FMN2: variants seen among roughly 807,000 people sequenced by gnomAD.
FMN2 encodes the protein formin-2.
Under a neutral mutation model 142.3 loss-of-function variants are expected in FMN2, and 51 were observed. The observed-to-expected ratio is 0.36, with a 90% confidence interval of 0.29 to 0.45. FMN2 has a LOEUF of 0.45. Among genes scored for constraint, FMN2 ranks in the 20% least tolerant of loss-of-function variants. The pLI is 1.00. For synonymous variants in FMN2, 882 were observed against 869.8 expected, an observed-to-expected ratio of 1.01 and a Z score of -0.25; for missense variants, 1,936 against 2,122.8, an observed-to-expected ratio of 0.91 and a Z score of 1.73.
chr1:240,154,579 A>T (rs1293914941), intron 2 of FMN2: 1 of 152,170 alleles, frequency 6.6e-6, no homozygotes, highest in African/African-American at 2.4e-5. Context: ...GGGCATCTTC[A>T]TAGGCACATC....
intron 2 of FMN2, among the ~76,000 whole-genome samples, chr1:240,165,399 C>G (rs1228582207): frequency 2.6e-5 from 4 of 152,118 alleles, no homozygotes; most frequent in Non-Finnish European, 5.9e-5. Flanking sequence ...TGGTCTCAAA[C>G]TGCTGGACTC....
At chr1:240,325,531 T>A (rs1185635035) in intron 8 of FMN2, among the ~76,000 whole-genome samples, 2 of 150,280 alleles carry the variant, frequency 1.3e-5, no homozygotes, top group Non-Finnish European at 3.0e-5. Flanking sequence ...AGATTCTATA[T>A]TTGCTAACTT....
At chr1:240,256,400 C>T (rs538596447) in intron 6 of FMN2, among the ~76,000 whole-genome samples, 11 of 151,964 alleles carry the variant, frequency 7.2e-5, no homozygotes, top group East Asian at 1.9e-4. Context: ...GCAAAAGCAG[C>T]GCCTTTTGGG....
chr1:240,263,159 T>C (rs1307652933), intron 7 of FMN2, among the ~76,000 whole-genome samples: 1 of 152,150 alleles, frequency 6.6e-6, no homozygotes, highest in Non-Finnish European at 1.5e-5. Context: ...AGATATATAT[T>C]ACACTGGTAT....
At chr1:240,196,853 C>G (rs1379235886) in intron 4 of FMN2, among the ~76,000 whole-genome samples, 1 of 152,090 alleles carries the variant, frequency 6.6e-6, no homozygotes, top group African/African-American at 2.4e-5. Context: ...GAGAAATGAT[C>G]GAAAGATGTT....
At chr1:240,256,059 T>C (rs1668441794) in intron 6 of FMN2, among the ~76,000 whole-genome samples, 1 of 152,150 alleles carries the variant, frequency 6.6e-6, no homozygotes, top group African/African-American at 2.4e-5. Context: ...GGAGGTCGAA[T>C]GATAGATGGA....
chr1:240,413,060 T>C (rs1265868700), intron 15 of FMN2, among the ~76,000 whole-genome samples: 1 of 133,056 alleles, frequency 7.5e-6, no homozygotes, highest in African/African-American at 2.9e-5. Context: ...GAGGTAGAGC[T>C]TGCAGTGAGC....
At position 240,286,038 on chromosome 1, in the gene FMN2, T is replaced by C. The variant is rs183183055; in HGVS notation, c.4154-8784T>C. Among the ~76,000 whole-genome samples, 376 of 152,304 alleles carry C rather than the reference T, an allele frequency of 2.5e-3. 2 individuals carry two copies. The highest frequency in any genetic ancestry group is 8.5e-3 in the African/African-American group (352 of 41,560). Reference sequence around the variant, plus strand: ...GTCTTCATGTTGGGCTCTTGGACTTTGAGTTCAGTGTAGCATTTTCGGTGT... The same window carrying C: ...GTCTTCATGTTGGGCTCTTGGACTTCGAGTTCAGTGTAGCATTTTCGGTGT... On this transcript the variant is annotated intron_variant, in intron 7 of 17. Coordinates refer to ENST00000319653, the MANE Select transcript of FMN2 (RefSeq NM_020066.5).
intron 13 of FMN2, among the ~76,000 whole-genome samples, chr1:240,342,353 C>A (rs989987728): frequency 2.0e-5 from 3 of 152,150 alleles, no homozygotes; most frequent in Non-Finnish European, 2.9e-5. Context: ...TTTTTCCATA[C>A]TATTTCATAT....
intron 6 of FMN2, 139 bp downstream of exon 6, chr1:240,211,374 A>G: frequency 1.3e-6 from 1 of 753,154 alleles, no homozygotes; most frequent in Middle Eastern, 2.8e-4. Flanking sequence ...TTAGAACTTT[A>G]GAACATGTGG....
chr1:240,318,397 C>CTTTTCT (rs1033358030), intron 8 of FMN2, among the ~76,000 whole-genome samples: 3 of 152,026 alleles, frequency 2.0e-5, no homozygotes, highest in East Asian at 1.9e-4. Flanking sequence ...AGGAAACTGG[C>CTTTTCT]TTTTCTTTTT....
intron 6 of FMN2, among the ~76,000 whole-genome samples, chr1:240,228,303 C>CAAAAAAAAAAAAAAAAAA (rs577421634): frequency 1.7e-3 from 79 of 47,734 alleles, no homozygotes; most frequent in Non-Finnish European, 2.4e-3. Context: ...AACTCTGTCT[C>CAAAAAAAAAAAAAAAAAA]AAAAAAAAAA....
intron 16 of FMN2, among the ~76,000 whole-genome samples, chr1:240,439,279 A>AAAAAAAAAAAAAAAAAGAAAG (rs555074808): frequency 1.6e-5 from 2 of 124,724 alleles, no homozygotes; most frequent in Non-Finnish European, 1.6e-5. Context: ...TCAAAAAAAA[A>AAAAAAAAAAAAAAAAAGAAAG]AAAGAAAGAA....
chr1:240,343,521 C>A (rs149540907), intron 13 of FMN2, among the ~76,000 whole-genome samples: 1 of 152,134 alleles, frequency 6.6e-6, no homozygotes, highest in African/African-American at 2.4e-5. Context: ...TATAATTGCA[C>A]TGAAGTATAG....
intron 2 of FMN2, chr1:240,144,163 C>A: frequency 7.1e-7 from 1 of 1,408,606 alleles, no homozygotes; most frequent in Middle Eastern, 1.8e-4. Context: ...CTCAACATTC[C>A]GTGGTCCTTG....
intron 2 of FMN2, among the ~76,000 whole-genome samples, chr1:240,149,546 C>T (rs1663673715): frequency 6.6e-6 from 1 of 152,136 alleles, no homozygotes; most frequent in African/African-American, 2.4e-5. Flanking sequence ...TTCTTTTTGG[C>T]ATGTTTCTAA....
intron 2 of FMN2, among the ~76,000 whole-genome samples, chr1:240,147,234 T>G (rs1459846729): frequency 3.9e-5 from 6 of 152,224 alleles, no homozygotes; most frequent in Non-Finnish European, 7.3e-5. Flanking sequence ...ATGTGAAAAC[T>G]GAGACTTAGG....
chr1:240,341,431 G>GT (rs1368926933), intron 13 of FMN2: 2 of 151,638 alleles, frequency 1.3e-5, no homozygotes, highest in Admixed American at 6.6e-5. Context: ...TGAACTGCTC[G>GT]TTCTATTCTT....
chr1:240,123,267 G>A lies in FMN2; in HGVS notation c.1704G>A (p.Met568Ile), dbSNP rs781571290. The A allele has an allele frequency of 6.2e-7, 1 of 1,614,090 alleles. No individual in the cohort carries two copies. Among genetic ancestry groups the A allele is most frequent in the South Asian group, 1.1e-5 (1 of 91,076 alleles). ...AEKFCSRIIA[M>I]GLLLPFSDCF... is the part of the protein sequence containing the mutation. ...AGTTTTGCTCCCGGATCATTGCCAT[G>A]GGTCTTCTCCTTCCTTTTAGTGATT... Residue 568 changes from methionine (M) to isoleucine (I), a missense_variant, in exon 2 of 18, where the codon ATG becomes ATA. This residue lies in a region of FMN2 where 5 missense variants were observed against 18.9 expected (regional missense o/e 0.26). Coordinates refer to ENST00000319653, the MANE Select transcript of FMN2 (RefSeq NM_020066.5).
Sources: allele counts gnomAD v4.1 joint callset (sites outside exome capture counted in the v4.1 genomes callset), GRCh38; gene constraint gnomAD v4.1.1; regional missense constraint gnomAD v4.1.1; transcripts MANE v1.5; gene names NCBI Gene and HGNC (gene_info 2026-07-23, HGNC 2026-07-21).